VDAC1: variants seen among roughly 807,000 people sequenced by gnomAD.
The protein encoded by VDAC1 is voltage dependent anion channel 1, also known as non-selective voltage-gated ion channel VDAC1.
A neutral mutation model predicts 34.7 loss-of-function variants in VDAC1; 10 were observed. That is an observed-to-expected ratio of 0.29 (90% CI 0.18 to 0.49). The LOEUF is 0.49. Ranked by LOEUF, VDAC1 falls within the 20% of genes least tolerant of loss-of-function variation. The probability of loss-of-function intolerance (pLI) is 0.99; values close to 1 mark genes in which losing one functional copy is unlikely to be tolerated. For synonymous variants in VDAC1, 130 were observed against 136.0 expected (o/e 0.96, Z 0.30); for missense variants, 230 against 347.9 (o/e 0.66, Z 2.69).
chr5:134,044,679 A>C, the VDAC1 span, among the ~76,000 whole-genome samples: 4 of 152,064 alleles, frequency 2.6e-5, no homozygotes, highest in Non-Finnish European at 5.9e-5. Flanking sequence ...GCGCACAGGT[A>C]TGTAAGTGCT....
chr5:134,004,856 G>A (rs1170232132), intron 1 of VDAC1, 39 bp downstream of exon 1: 1 of 151,466 alleles, frequency 6.6e-6, no homozygotes, highest in Non-Finnish European at 1.5e-5. Flanking sequence ...GTCCAGGCCG[G>A]GCCAGGGTCC....
the VDAC1 span, among the ~76,000 whole-genome samples, chr5:134,107,588 C>T: frequency 4.6e-5 from 7 of 152,338 alleles, no homozygotes; most frequent in Middle Eastern, 3.4e-3. Context: ...CTGGTGCCCT[C>T]CCCACCCTGG....
At chr5:134,058,885 G>A in the VDAC1 span, among the ~76,000 whole-genome samples, 19 of 152,272 alleles carry the variant, frequency 1.2e-4, no homozygotes, top group African/African-American at 3.8e-4. Flanking sequence ...GACAGTCCCT[G>A]GCCCCACCTT....
At chr5:134,030,163 A>ACCAGCCTGACC in the VDAC1 span, among the ~76,000 whole-genome samples, 2 of 152,044 alleles carry the variant, frequency 1.3e-5, no homozygotes, top group African/African-American at 2.4e-5. Context: ...CAACATGGAG[A>ACCAGCCTGACC]AACCCTATCT....
the VDAC1 span, among the ~76,000 whole-genome samples, chr5:134,090,521 C>G: frequency 6.6e-6 from 1 of 152,160 alleles, no homozygotes; most frequent in African/African-American, 2.4e-5. Flanking sequence ...TCCCCACAAC[C>G]ATGAAATGCT....
chr5:134,001,323 G>A (rs1370575035), intron 1 of VDAC1, among the ~76,000 whole-genome samples: 13 of 152,164 alleles, frequency 8.5e-5, no homozygotes, highest in East Asian at 1.9e-4. Context: ...GGTATAGGGT[G>A]GTGAACTCAA....
chr5:133,973,915 T>C (rs1752386683), intron 7 of VDAC1, 67 bp from the exon 8 acceptor site: 1 of 1,476,638 alleles, frequency 6.8e-7, no homozygotes, highest in Admixed American at 2.1e-5. Flanking sequence ...ATCTCCAAAA[T>C]TAGAGCTTTT....
the VDAC1 span, among the ~76,000 whole-genome samples, chr5:134,052,011 T>G: frequency 1.3e-5 from 2 of 152,168 alleles, no homozygotes; most frequent in Admixed American, 1.3e-4. Flanking sequence ...TATTTTAAGC[T>G]GAAGGAATCT....
At chr5:134,071,361 G>T in the VDAC1 span, among the ~76,000 whole-genome samples, 71 of 152,210 alleles carry the variant, frequency 4.7e-4, no homozygotes, top group South Asian at 0.014. This position sits in a 1 kb window ranked among gnomAD's most constrained non-coding sequence, Gnocchi z 4.1. Context: ...GCCCACAAAG[G>T]GACTCGCCCC....
chr5:134,087,781 G>A, the VDAC1 span, among the ~76,000 whole-genome samples: 13 of 143,902 alleles, frequency 9.0e-5, no homozygotes, highest in East Asian at 2.2e-4. Context: ...ACTTGAACCC[G>A]GGAGGCGGAG....
Position 133,976,032 on chromosome 5 carries a change from G to C in VDAC1, c.552-11C>G, listed in dbSNP as rs780206027. On this transcript the variant is annotated splice_polypyrimidine_tract_variant and intron_variant, in intron 6 of 8. Transcript: ENST00000265333. ...TCTGTCCCGTCATTCCTGCAAACAAGCACAGGACAGATGCTGAGCTTCCCA... is the reference window on the plus strand; with the variant it reads ...TCTGTCCCGTCATTCCTGCAAACAACCACAGGACAGATGCTGAGCTTCCCA... 6 of 1,613,984 alleles carry C rather than the reference G, an allele frequency of 3.7e-6. No homozygotes were observed. Among genetic ancestry groups the C allele is most frequent in the Non-Finnish European group, 5.1e-6 (6 of 1,179,984 alleles).
the VDAC1 span, among the ~76,000 whole-genome samples, chr5:134,065,316 A>C: frequency 7.0e-6 from 1 of 142,398 alleles, no homozygotes; most frequent in Admixed American, 7.0e-5. Flanking sequence ...TATTTTGGCT[A>C]TCTCTTTGGT....
chr5:133,987,708 T>TCATACAA (rs60163993), intron 5 of VDAC1, among the ~76,000 whole-genome samples: 31,409 of 152,096 alleles, frequency 0.21, 3,491 homozygotes, highest in East Asian at 0.45. Context: ...GTTACTATTT[T>TCATACAA]TGAGCAAAAG....
At chr5:134,112,841 T>TC in the VDAC1 span, among the ~76,000 whole-genome samples, 1 of 152,092 alleles carries the variant, frequency 6.6e-6, no homozygotes, top group African/African-American at 2.4e-5. Flanking sequence ...TTCTCCTTTC[T>TC]CCAAGGACTG....
At chr5:133,997,161 G>A (rs1047848578) in intron 1 of VDAC1, among the ~76,000 whole-genome samples, 1 of 152,142 alleles carries the variant, frequency 6.6e-6, no homozygotes, top group African/African-American at 2.4e-5. Context: ...CGCCAAGGGG[G>A]AGTACTACAG....
chr5:134,071,390 C>T, the VDAC1 span, among the ~76,000 whole-genome samples: 2 of 152,194 alleles, frequency 1.3e-5, no homozygotes, highest in African/African-American at 4.8e-5. This position sits in a 1 kb window ranked among gnomAD's most constrained non-coding sequence, Gnocchi z 4.1. Flanking sequence ...AACCCTGGGC[C>T]CAGCCGCGCC....
chr5:133,975,695 G>C (rs1271748062), intron 7 of VDAC1, among the ~76,000 whole-genome samples, 176 bp downstream of exon 7: 1 of 152,048 alleles, frequency 6.6e-6, no homozygotes, highest in Non-Finnish European at 1.5e-5. Context: ...CTGACCTCAA[G>C]TGATCTGCCT....
chr5:134,004,349 C>G (rs906002329), intron 1 of VDAC1: 1 of 152,016 alleles, frequency 6.6e-6, no homozygotes, highest in Admixed American at 6.6e-5. Flanking sequence ...TCCACGCGGC[C>G]GCCCTTGCAC....
intron 7 of VDAC1, among the ~76,000 whole-genome samples, chr5:133,974,284 A>G (rs1204662997): frequency 3.9e-5 from 6 of 152,170 alleles, no homozygotes; most frequent in Non-Finnish European, 1.5e-5. Flanking sequence ...CACCCCAAAG[A>G]GATACAGCCG....
Sources: gnomAD v4.1 joint callset for allele counts (sites outside exome capture counted in the v4.1 genomes callset) on GRCh38, gnomAD v4.1.1 for gene constraint, Gnocchi (gnomAD v3.1) non-coding constraint, MANE v1.5 for transcripts, NCBI Gene and HGNC (gene_info 2026-07-23, HGNC 2026-07-21) for gene names.